The following RYR2 variants were observed in gnomAD, a reference collection of about 807,000 sequenced individuals.
RYR2 encodes cardiac muscle ryanodine receptor-calcium release channel.
A neutral mutation model predicts 601.1 loss-of-function variants in RYR2; 227 were observed. The ratio of observed to expected loss-of-function variants is 0.38; its 90% CI spans 0.34 to 0.42. The LOEUF (loss-of-function observed/expected upper bound fraction) is 0.42, where lower values mean the gene tolerates loss of function less well. RYR2 is among the 10% of genes least tolerant of loss of function. RYR2 has a pLI of 1.00. For missense variants in RYR2, 4,646 were observed against 6,156.5 expected (o/e 0.75, Z 8.21); for synonymous variants, 2,223 against 2,175.1 (o/e 1.02, Z -0.61).
chr1:237,477,732 G>T (rs114416907), intron 17 of RYR2, among the ~76,000 whole-genome samples: 4,671 of 152,286 alleles, frequency 0.031, 247 homozygotes, highest in African/African-American at 0.11. Context: ...TCTGAGTTCA[G>T]AGGTGCTTCT....
At chr1:237,489,712 T>G (rs929703122) in intron 17 of RYR2, among the ~76,000 whole-genome samples, 1 of 152,188 alleles carries the variant, frequency 6.6e-6, no homozygotes, top group African/African-American at 2.4e-5. Flanking sequence ...TCAGCCACTG[T>G]GGAAAGCAGT....
At chr1:237,365,721 A>G (rs933123729) in intron 5 of RYR2, among the ~76,000 whole-genome samples, 7 of 152,200 alleles carry the variant, frequency 4.6e-5, no homozygotes, top group Non-Finnish European at 8.8e-5. Flanking sequence ...TGCTGTATTC[A>G]TTTTATCATC....
chr1:237,522,581 C>T (rs1667197548), intron 24 of RYR2, among the ~76,000 whole-genome samples: 1 of 152,162 alleles, frequency 6.6e-6, no homozygotes, highest in Non-Finnish European at 1.5e-5. Context: ...CTCCACCGAC[C>T]ATATGTTTCA....
At chr1:237,230,676 T>A (rs1372067812) in intron 1 of RYR2, among the ~76,000 whole-genome samples, 1 of 152,198 alleles carries the variant, frequency 6.6e-6, no homozygotes, top group East Asian at 1.9e-4. Context: ...CCTAGCACTT[T>A]GGGAGGCCTT....
At chr1:237,616,831 C>T (rs558059213) in intron 37 of RYR2, among the ~76,000 whole-genome samples, 42 of 152,172 alleles carry the variant, frequency 2.8e-4, no homozygotes, top group Non-Finnish European at 5.1e-4. Context: ...ACAATCCTGG[C>T]GAAAGGCAAA....
At chr1:237,348,524 G>T (rs531256444) in intron 3 of RYR2, among the ~76,000 whole-genome samples, 2 of 152,276 alleles carry the variant, frequency 1.3e-5, no homozygotes, top group African/African-American at 4.8e-5. Context: ...GAGAGAGGGT[G>T]AACTAAAGTC....
chr1:237,244,497 T>C (rs1345451824), intron 1 of RYR2, among the ~76,000 whole-genome samples: 2 of 152,102 alleles, frequency 1.3e-5, no homozygotes, highest in African/African-American at 2.4e-5. Context: ...TCTATTTGCA[T>C]AATAAGATTA....
chr1:237,626,182 T>C, intron 40 of RYR2, among the ~76,000 whole-genome samples: 1 of 152,218 alleles, frequency 6.6e-6, no homozygotes, highest in Non-Finnish European at 1.5e-5. Context: ...TTTAAACAGA[T>C]ATTGTCTTTA....
chr1:237,588,761 A>C (rs1674812036), intron 29 of RYR2, among the ~76,000 whole-genome samples: 1 of 152,054 alleles, frequency 6.6e-6, no homozygotes. Flanking sequence ...TGAACTTGGG[A>C]GGCGGAGGTT....
intron 10 of RYR2, among the ~76,000 whole-genome samples, chr1:237,400,303 G>A (rs1056391273): frequency 3.3e-5 from 5 of 152,182 alleles, no homozygotes; most frequent in African/African-American, 1.2e-4. Flanking sequence ...GGGATACCAA[G>A]CACTCAGCTC....
At chr1:237,716,922 G>A (rs1689312286) in intron 71 of RYR2, among the ~76,000 whole-genome samples, 1 of 152,050 alleles carries the variant, frequency 6.6e-6, no homozygotes, top group Admixed American at 6.6e-5. Flanking sequence ...ATATTTATCT[G>A]CTTCCCTAAA....
At chr1:237,698,925 T>C (rs1291061470) in intron 63 of RYR2, 40 bp from the exon 64 acceptor site, 1 of 1,172,162 alleles carries the variant, frequency 8.5e-7, no homozygotes, top group Non-Finnish European at 1.2e-6. Context: ...CATTGAGAAA[T>C]TCTCAGGGCA....
Position 237,648,426 on chromosome 1 carries a change from T to C in RYR2, c.7343-18T>C. On this transcript the variant is annotated intron_variant, in intron 48 of 104. Coordinates refer to ENST00000366574, the MANE Select transcript of RYR2 (RefSeq NM_001035.3). ...TATGACACAGCCATTGACACCAAAATTCACTTCTCTCTTTTAGATGGGAAT... is the reference window on the plus strand; with the variant it reads ...TATGACACAGCCATTGACACCAAAACTCACTTCTCTCTTTTAGATGGGAAT... 6.3e-7 allele frequency: 1 copy of C among 1,584,530 alleles called. No homozygotes were observed. Among genetic ancestry groups the C allele is most frequent in the Non-Finnish European group, 8.6e-7 (1 of 1,163,384 alleles).
intron 1 of RYR2, among the ~76,000 whole-genome samples, chr1:237,123,045 CTG>C (rs1670988281): frequency 1.3e-5 from 2 of 152,190 alleles, no homozygotes; most frequent in Non-Finnish European, 2.9e-5. Context: ...CTGCTAAACA[CTG>C]TCTTGCAATT....
At chr1:237,793,522 T>A (rs1381790313) in intron 94 of RYR2, among the ~76,000 whole-genome samples, 1 of 152,242 alleles carries the variant, frequency 6.6e-6, no homozygotes, top group African/African-American at 2.4e-5. Context: ...CTAAATTTTA[T>A]TTCATTCATT....
At chr1:237,178,098 G>A (rs1036456916) in intron 1 of RYR2, among the ~76,000 whole-genome samples, 2 of 151,986 alleles carry the variant, frequency 1.3e-5, no homozygotes, top group African/African-American at 4.8e-5. Flanking sequence ...TAAAATCTTG[G>A]GGTTTTAATG....
chr1:237,407,604 TG>T (rs1349564607), intron 10 of RYR2, among the ~76,000 whole-genome samples: 87 of 82,810 alleles, frequency 1.1e-3, no homozygotes, highest in Non-Finnish European at 1.8e-3. Context: ...TTTTAAATTG[TG>T]GTTGTTTTTT....
In RYR2 at chr1:237,654,431, T is replaced by C; in HGVS notation, c.7965+17T>C. The C allele has an allele frequency of 6.2e-7, 1 of 1,612,804 alleles. No homozygotes were observed. Among genetic ancestry groups the C allele is most frequent in the Non-Finnish European group, 8.5e-7 (1 of 1,179,114 alleles). Reference sequence around the variant, plus strand: ...TCTCAAAAGGTAATTTAATGGTTTGTGGGTTTGTTTGTATCAATAAAATGG... The same window carrying C: ...TCTCAAAAGGTAATTTAATGGTTTGCGGGTTTGTTTGTATCAATAAAATGG... On this transcript the variant is annotated intron_variant, in intron 52 of 104. Coordinates refer to ENST00000366574, the MANE Select transcript of RYR2 (RefSeq NM_001035.3).
chr1:237,594,893 T>TTGTTTTTTG, intron 33 of RYR2, among the ~76,000 whole-genome samples: 1 of 15,748 alleles, frequency 6.4e-5, no homozygotes, highest in African/African-American at 1.1e-4. Flanking sequence ...TGGGTTTTTT[T>TTGTTTTTTG]TTTTTTTTTT....
Sources: gnomAD v4.1 joint callset for allele counts (sites outside exome capture counted in the v4.1 genomes callset) on GRCh38, gnomAD v4.1.1 for gene constraint, MANE v1.5 for transcripts, NCBI Gene and HGNC (gene_info 2026-07-23, HGNC 2026-07-21) for gene names.